Variants in BARX1 observed in about 807,000 individuals in gnomAD.
The protein encoded by BARX1 is BARX homeobox 1.
In BARX1, 10 loss-of-function variants were observed where a neutral mutation model predicts 19.6. The ratio of observed to expected loss-of-function variants is 0.51; its 90% CI spans 0.31 to 0.86. The LOEUF (loss-of-function observed/expected upper bound fraction) is 0.86, where lower values mean the gene tolerates loss of function less well. BARX1 is among the 40% of genes least tolerant of loss of function. BARX1 has a pLI of 0.04. For missense variants in BARX1, 309 were observed against 360.4 expected, an observed-to-expected ratio of 0.86 and a Z score of 1.15; for synonymous variants, 177 against 170.0, an observed-to-expected ratio of 1.04 and a Z score of -0.32.
Position 93,955,025 on chromosome 9 carries a change from G to A in BARX1, c.122C>T (p.Pro41Leu). Reference sequence around the variant, plus strand: ...GGCGGCTGCGGGCGCGGCGCCCTTGGGCCCGGGTGGCTCCGTGAGGATCTC... The same window carrying A: ...GGCGGCTGCGGGCGCGGCGCCCTTGAGCCCGGGTGGCTCCGTGAGGATCTC... Reference protein sequence around the residue: ...IEEILTEPPGPKGAAPAAAAA... With the variant: ...IEEILTEPPGLKGAAPAAAAA... The change falls in exon 1 of 4, where the codon CCC becomes CTC. Residue 41 changes from proline (P) to leucine (L), a missense_variant. Transcript: ENST00000253968. This position sits in a 1 kb window ranked among gnomAD's most constrained non-coding sequence, Gnocchi z 4.4. The A allele has an allele frequency of 7.1e-7, 1 of 1,405,952 alleles. No homozygotes were observed. Among genetic ancestry groups the A allele is most frequent in the Admixed American group, 2.7e-5 (1 of 37,506 alleles). 87.1% of individuals were successfully genotyped at this position (1,405,952 alleles called of 1,614,324 possible).
In BARX1 at chr9:93,955,059, T is replaced by G. The variant is rs1303027019; in HGVS notation, c.88A>C (p.Met30Leu). ...GGCTCCGTGAGGATCTCCTCAATCA[T>G]GAAGCTGCGATAGCGGTGCGGCCGG... ...DHRPHRYRSFMIEEILTEPPG... is the reference protein window; with the variant it reads ...DHRPHRYRSFLIEEILTEPPG... Residue 30 changes from methionine to leucine, a missense_variant, in exon 1 of 4, where the codon ATG becomes CTG. Transcript: ENST00000253968. The surrounding 1 kb of genome is among the most constrained non-coding windows in gnomAD (Gnocchi z 4.4). 23 of 1,390,560 alleles carry G rather than the reference T, an allele frequency of 1.7e-5. No individual in the cohort carries two copies. Among genetic ancestry groups the G allele is most frequent in the Non-Finnish European group, 2.1e-5 (22 of 1,067,994 alleles). 86.1% of individuals were successfully genotyped at this position (1,390,560 alleles called of 1,614,324 possible). A position where few individuals can be genotyped will look rare whatever the true frequency, so the allele number is the denominator to read the frequency against.
chr9:93,955,029 C>G lies in BARX1; in HGVS notation c.118G>C (p.Gly40Arg), dbSNP rs781194809. The G allele has an allele frequency of 3.6e-6, 5 of 1,405,286 alleles. No individual in the cohort carries two copies. The South Asian group carries it at 4.4e-5, about 12-fold the overall frequency. 87.1% of individuals were successfully genotyped at this position (1,405,286 alleles called of 1,614,324 possible). A position where few individuals can be genotyped will look rare whatever the true frequency, so the allele number is the denominator to read the frequency against. The change falls in exon 1 of 4, where the codon GGG becomes CGG. Residue 40 changes from glycine to arginine, a missense_variant. Gly to Arg is a moderately radical substitution (Grantham distance 125). Transcript: ENST00000253968. The surrounding 1 kb of genome is among the most constrained non-coding windows in gnomAD (Gnocchi z 4.4). ...MIEEILTEPP[G>R]PKGAAPAAAA... Reference sequence around the variant, plus strand: ...GCTGCGGGCGCGGCGCCCTTGGGCCCGGGTGGCTCCGTGAGGATCTCCTCA... The same window carrying G: ...GCTGCGGGCGCGGCGCCCTTGGGCCGGGGTGGCTCCGTGAGGATCTCCTCA...
Position 93,951,921 on chromosome 9 carries a change from G to A in BARX1, c.*243C>T. 2 of 574,556 alleles carry A rather than the reference G, an allele frequency of 3.5e-6. No individual in the cohort carries two copies. Among genetic ancestry groups the A allele is most frequent in the South Asian group, 4.2e-5 (2 of 47,964 alleles). 35.6% of individuals were successfully genotyped at this position (574,556 alleles called of 1,614,324 possible). Reference sequence around the variant, plus strand: ...CGCCACGGAGCTCAGGGTAGAGACTGTAGCTTCCGCCGGGCTGGATGCGAG... The same window carrying A: ...CGCCACGGAGCTCAGGGTAGAGACTATAGCTTCCGCCGGGCTGGATGCGAG... On this transcript the variant is annotated 3_prime_UTR_variant, in exon 4 of 4. Transcript: ENST00000253968.
In BARX1 at chr9:93,951,818, C is replaced by A. The variant is rs952605284; in HGVS notation, c.*346G>T. ...GAAGCGGGTGTGTGCCTGGAGGCTC[C>A]CCGGCCGGGAGGGCAGGCCCCAGAC... On this transcript the variant is annotated 3_prime_UTR_variant, in exon 4 of 4. Transcript: ENST00000253968. 3.7e-5 allele frequency: 9 copies of A among 242,300 alleles called. 1 individual carries two copies. In the East Asian group the frequency reaches 8.4e-4, roughly 23 times the overall value. 15.0% of individuals were successfully genotyped at this position (242,300 alleles called of 1,614,324 possible).
Position 93,951,736 on chromosome 9 carries a change from C to T in BARX1, c.*428G>A, listed in dbSNP as rs533504068. 5.0e-4 allele frequency: 79 copies of T among 158,930 alleles called. No homozygotes were observed. Among genetic ancestry groups the T allele is most frequent in the Admixed American group, 1.6e-3 (26 of 15,898 alleles). The allele number at this position is 158,930 out of a possible 1,614,324, so 9.8% of individuals were successfully genotyped here. A position where few individuals can be genotyped will look rare whatever the true frequency, so the allele number is the denominator to read the frequency against. The stretch of plus-strand genomic sequence containing the variant: ...CTCCAGGCCGAGCCGACGGGTTGCC[C>T]CGGGGCAATCTCAGGCCGTTGTGGC... On this transcript the variant is annotated 3_prime_UTR_variant, in exon 4 of 4. Coordinates refer to ENST00000253968, the MANE Select transcript of BARX1 (RefSeq NM_021570.4).
intron 1 of BARX1, among the ~76,000 whole-genome samples, chr9:93,954,394 C>G (rs915716783): frequency 1.3e-5 from 2 of 152,258 alleles, no homozygotes; most frequent in African/African-American, 4.8e-5. Context: ...GAAGCAGGTC[C>G]GCACTGCGGC....
intron 3 of BARX1, 25 bp from the exon 4 acceptor site, chr9:93,952,353 G>GGGT: frequency 6.3e-7 from 1 of 1,598,532 alleles, no homozygotes; most frequent in Non-Finnish European, 8.5e-7. Flanking sequence ...GCCAGCACCT[G>GGGT]GGTGAGCCAG....
Position 93,952,203 on chromosome 9 carries a change from C to T in BARX1, c.726G>A (p.Glu242=). ...TCCTGTCGCTGGGCTCGCCCGGCACCTCCGCCGGTTTCTCTGCATCCTTGG... is the reference window on the plus strand; with the variant it reads ...TCCTGTCGCTGGGCTCGCCCGGCACTTCCGCCGGTTTCTCTGCATCCTTGG... ...ERAKDAEKPA[E]VPGEPSDRSR... The change falls in exon 4 of 4, where the codon GAG becomes GAA. Residue 242 remains glutamate (E), a synonymous_variant. Coordinates refer to ENST00000253968, the MANE Select transcript of BARX1 (RefSeq NM_021570.4). The T allele has an allele frequency of 6.2e-7, 1 of 1,610,748 alleles. No homozygotes were observed. The highest frequency in any genetic ancestry group is 8.5e-7 in the Non-Finnish European group (1 of 1,179,868).
Position 93,952,232 on chromosome 9 carries a change from G to GTTA in BARX1, c.696_697insTAA (p.Glu232_Arg233insTer). 1 of 1,612,032 alleles carries GTTA rather than the reference G, an allele frequency of 6.2e-7. No homozygotes were observed. The highest frequency in any genetic ancestry group is 8.5e-7 in the Non-Finnish European group (1 of 1,179,910). On this transcript the variant is annotated stop_gained and inframe_insertion, in exon 4 of 4. Coordinates refer to ENST00000253968, the MANE Select transcript of BARX1 (RefSeq NM_021570.4). LOFTEE classifies it high-confidence loss of function. ...GCCGGTTTCTCTGCATCCTTGGCGC[G>GTTA]CTCCTGCTCAGTAAGCTGCTCGCTC...
intron 1 of BARX1, among the ~76,000 whole-genome samples, chr9:93,953,677 C>T (rs1384549563): frequency 6.6e-6 from 1 of 152,230 alleles, no homozygotes; most frequent in Non-Finnish European, 1.5e-5. Flanking sequence ...GTCATCTGGG[C>T]CGGAGTTGGG....
Position 93,955,251 on chromosome 9 carries a change from G to T in BARX1, c.-105C>A. Reference sequence around the variant, plus strand: ...TCTAGGCCGGCCCGCAGCTCGGGGCGGCGCGCGGGCGCCGGCTCATGCCCC... The same window carrying T: ...TCTAGGCCGGCCCGCAGCTCGGGGCTGCGCGCGGGCGCCGGCTCATGCCCC... On this transcript the variant is annotated 5_prime_UTR_variant, in exon 1 of 4. Transcript: ENST00000253968. The surrounding 1 kb of genome is among the most constrained non-coding windows in gnomAD (Gnocchi z 4.4). The T allele has an allele frequency of 2.5e-6, 1 of 400,726 alleles. No homozygotes were observed. The highest frequency in any genetic ancestry group is 1.0e-4 in the South Asian group (1 of 9,898). 24.8% of individuals were successfully genotyped at this position (400,726 alleles called of 1,614,324 possible).
rs961583468 is a variant in BARX1, at chr9:93,952,253, C to T, written c.676G>A (p.Glu226Lys). ...RPKKNSIPTS[E>K]QLTEQERAKD... ...GCGCGCTCCTGCTCAGTAAGCTGCT[C>T]GCTCGTTGGAATTGAGTTCTTCTTG... Residue 226 changes from glutamate (E) to lysine (K), a missense_variant, in exon 4 of 4, where the codon GAG (glutamate) becomes AAG (lysine). Glu to Lys is a moderately conservative substitution (Grantham distance 56). Around this residue, in one of 3 missense-constraint regions of BARX1, gnomAD observed 71 missense variants for 80.4 expected, o/e 0.88. Transcript: ENST00000253968. 3 of 1,612,424 alleles carry T rather than the reference C, an allele frequency of 1.9e-6. No individual in the cohort carries two copies. Among genetic ancestry groups the T allele is most frequent in the African/African-American group, 1.3e-5 (1 of 74,932 alleles).
In BARX1 at chr9:93,955,175, TGGCGGC is replaced by T; in HGVS notation, c.-35_-30del. Reference sequence around the variant, plus strand: ...GGCGCCCACTGCTGCGCCCGCGGTTTGGCGGCGGCGGCGGCGACGGCTTGGCTCCGG... The same window carrying T: ...GGCGCCCACTGCTGCGCCCGCGGTTTGGCGGCGGCGACGGCTTGGCTCCGG... On this transcript the variant is annotated 5_prime_UTR_variant, in exon 1 of 4. Transcript: ENST00000253968. The surrounding 1 kb of genome is among the most constrained non-coding windows in gnomAD (Gnocchi z 4.4). 1.0e-6 allele frequency: 1 copy of T among 991,776 alleles called. No individual in the cohort carries two copies. Among genetic ancestry groups the T allele is most frequent in the Non-Finnish European group, 1.2e-6 (1 of 832,140 alleles). The allele number at this position is 991,776 out of a possible 1,614,324, so 61.4% of individuals were successfully genotyped here.
At position 93,954,991 on chromosome 9, in the gene BARX1, C is replaced by CGCGGCAGCG. The variant is rs1829144713; in HGVS notation, c.147_155dup (p.Ala51_Ala53dup). On this transcript the variant is annotated inframe_insertion, in exon 1 of 4. Coordinates refer to ENST00000253968, the MANE Select transcript of BARX1 (RefSeq NM_021570.4). The stretch of plus-strand genomic sequence containing the variant: ...CGCCGAACTTCAGCAGCTCGCCCGC[C>CGCGGCAGCG]GCGGCAGCGGCGGCTGCGGGCGCGG... The CGCGGCAGCG allele has an allele frequency of 3.6e-6, 5 of 1,399,786 alleles. No homozygotes were observed. The highest frequency in any genetic ancestry group is 4.6e-6 in the Non-Finnish European group (5 of 1,078,328). The allele number at this position is 1,399,786 out of a possible 1,614,324, so 86.7% of individuals were successfully genotyped here.
intron 1 of BARX1, among the ~76,000 whole-genome samples, chr9:93,954,207 G>T (rs1374474380): frequency 1.3e-5 from 2 of 152,250 alleles, no homozygotes; most frequent in African/African-American, 4.8e-5. Context: ...CGAGGGTGGA[G>T]TGCGATGGAG....
chr9:93,953,746 A>C (rs11789015), intron 1 of BARX1, among the ~76,000 whole-genome samples: 1 of 152,078 alleles, frequency 6.6e-6, no homozygotes, highest in Non-Finnish European at 1.5e-5. Context: ...CACGTTTTCT[A>C]TTTTCAGACG....
intron 1 of BARX1, 130 bp from the exon 2 acceptor site, chr9:93,953,317 TGCCGGTCGGC>T (rs1261468784): frequency 1.8e-6 from 2 of 1,127,210 alleles, no homozygotes; most frequent in African/African-American, 3.3e-5. Context: ...CTCCACGCCC[TGCCGGTCGGC>T]GCCGGTGGCG....
chr9:93,955,272 G>T lies in BARX1; in HGVS notation c.-126C>A. On this transcript the variant is annotated 5_prime_UTR_variant, in exon 1 of 4. Coordinates refer to ENST00000253968, the MANE Select transcript of BARX1 (RefSeq NM_021570.4). This position sits in a 1 kb window ranked among gnomAD's most constrained non-coding sequence, Gnocchi z 4.4. ...GGGCGGCGCGCGGGCGCCGGCTCAT[G>T]CCCCCTCCCCCGCCGGCCGGCCGGG... 4.1e-6 allele frequency: 1 copy of T among 246,232 alleles called. No homozygotes were observed. The highest frequency in any genetic ancestry group is 6.3e-6 in the Non-Finnish European group (1 of 157,864). The allele number at this position is 246,232 out of a possible 1,614,324, so 15.3% of individuals were successfully genotyped here. A position where few individuals can be genotyped will look rare whatever the true frequency, so the allele number is the denominator to read the frequency against.
Position 93,952,087 on chromosome 9 carries a change from G to A in BARX1, c.*77C>T. On this transcript the variant is annotated 3_prime_UTR_variant, in exon 4 of 4. Coordinates refer to ENST00000253968, the MANE Select transcript of BARX1 (RefSeq NM_021570.4). The stretch of plus-strand genomic sequence containing the variant: ...AAGTAAACTTCTTGGACGCGGAAGG[G>A]CCGGCTCGCGGGTTTCCGCCGAGTG... 1.3e-6 allele frequency: 2 copies of A among 1,518,864 alleles called. No individual in the cohort carries two copies. Among genetic ancestry groups the A allele is most frequent in the Admixed American group, 2.0e-5 (1 of 50,834 alleles). 94.1% of individuals were successfully genotyped at this position (1,518,864 alleles called of 1,614,324 possible).
Sources: gnomAD v4.1 joint callset for allele counts (sites outside exome capture counted in the v4.1 genomes callset) on GRCh38, gnomAD v4.1.1 for gene constraint, gnomAD v4.1.1 regional missense constraint, Gnocchi (gnomAD v3.1) non-coding constraint, MANE v1.5 for transcripts, NCBI Gene and HGNC (gene_info 2026-07-23, HGNC 2026-07-21) for gene names.